Variants in PDE6B observed in about 807,000 individuals in gnomAD.
The protein encoded by PDE6B is rod cGMP-specific 3',5'-cyclic phosphodiesterase subunit beta.
A neutral mutation model predicts 109.0 loss-of-function variants in PDE6B; 106 were observed. The ratio of observed to expected loss-of-function variants is 0.97; its 90% confidence interval spans 0.83 to 1.14. The LOEUF (loss-of-function observed/expected upper bound fraction) is 1.14, where lower values mean the gene tolerates loss of function less well. Among genes scored for constraint, PDE6B ranks in the 50% most tolerant of loss-of-function variants. The pLI is 0.00. For missense variants in PDE6B, 1,193 were observed against 1,155.6 expected, an observed-to-expected ratio of 1.03 and a Z score of -0.47; for synonymous variants, 490 against 471.3, an observed-to-expected ratio of 1.04 and a Z score of -0.51.
At position 628,560 on chromosome 4, in the gene PDE6B, G is replaced by A. The variant is rs145692115; in HGVS notation, c.468+2466G>A. On this transcript the variant is annotated intron_variant, in intron 1 of 21. Coordinates refer to ENST00000496514, the MANE Select transcript of PDE6B (RefSeq NM_000283.4). ...AAACCAGCCTGCTCCTGAGCACAGC[G>A]GGCCCTGAGTCTGCAGGGCAGGCAG... 5.6e-3 allele frequency among the ~76,000 whole-genome samples: 846 copies of A among 152,328 alleles called. 11 individuals are homozygous for A. The highest frequency in any genetic ancestry group is 0.019 in the African/African-American group (800 of 41,572).
intron 11 of PDE6B, among the ~76,000 whole-genome samples, chr4:659,449 GTC>G (rs1395336934): frequency 3.3e-5 from 5 of 152,184 alleles, no homozygotes; most frequent in African/African-American, 1.2e-4. Flanking sequence ...GCACATGGGT[GTC>G]TGTGTGCATG....
chr4:640,801 T>C (rs936121573), intron 3 of PDE6B, among the ~76,000 whole-genome samples: 12 of 152,254 alleles, frequency 7.9e-5, no homozygotes, highest in African/African-American at 2.7e-4. Context: ...AAAGCCTACC[T>C]TTTCTCCGTC....
In PDE6B at chr4:666,660, G is replaced by T; in HGVS notation, c.2352+46G>T. 1 of 1,360,836 alleles carries T rather than the reference G, an allele frequency of 7.3e-7. No homozygotes were observed. Among genetic ancestry groups the T allele is most frequent in the South Asian group, 1.2e-5 (1 of 85,950 alleles). 84.3% of individuals were successfully genotyped at this position (1,360,836 alleles called of 1,614,324 possible). A position where few individuals can be genotyped will look rare whatever the true frequency, so the allele number is the denominator to read the frequency against. ...CCGAGCTGACTGGGGCAGGGTGGCT[G>T]GGAGCAGGCAAGGGGGCGCGGGCTG... On this transcript the variant is annotated intron_variant, in intron 20 of 21. Coordinates refer to ENST00000496514, the MANE Select transcript of PDE6B (RefSeq NM_000283.4). This position sits in a 1 kb window ranked among gnomAD's most constrained non-coding sequence, Gnocchi z 5.6.
In PDE6B at chr4:663,135, C is replaced by T. The variant is rs368095904; in HGVS notation, c.1868C>T (p.Ser623Leu). The T allele has an allele frequency of 2.4e-5, 39 of 1,612,162 alleles. No individual in the cohort carries two copies. The highest frequency in any genetic ancestry group is 8.5e-6 in the Non-Finnish European group (10 of 1,178,460). ...QNPLAKLHGS[S>L]ILERHHLEFG... is the part of the protein sequence containing the mutation. ...CCCTTGGCTAAGCTCCACGGCTCCT[C>T]GATTTTGGAGCGGCACCACCTGGAG... The change falls in exon 15 of 22, where the codon TCG (serine) becomes TTG (leucine). Residue 623 changes from serine to leucine, a missense_variant. Transcript: ENST00000496514. This position sits in a 1 kb window ranked among gnomAD's most constrained non-coding sequence, Gnocchi z 4.0.
At chr4:639,050 A>G (rs993819421) in intron 3 of PDE6B, among the ~76,000 whole-genome samples, 7 of 152,056 alleles carry the variant, frequency 4.6e-5, no homozygotes, top group African/African-American at 1.7e-4. Context: ...AATTCAGTCC[A>G]CCACTGTGAT....
At chr4:643,860 C>A (rs572475336) in intron 3 of PDE6B, among the ~76,000 whole-genome samples, 1 of 150,876 alleles carries the variant, frequency 6.6e-6, no homozygotes, top group South Asian at 2.1e-4. Context: ...GCACTGCTTT[C>A]CCTGCACCTG....
chr4:663,063 G>C lies in PDE6B; in HGVS notation c.1833-37G>C. The C allele has an allele frequency of 8.2e-7, 1 of 1,221,114 alleles. No individual in the cohort carries two copies. Among genetic ancestry groups the C allele is most frequent in the Non-Finnish European group, 1.2e-6 (1 of 821,002 alleles). The allele number at this position is 1,221,114 out of a possible 1,614,324, so 75.6% of individuals were successfully genotyped here. A position where few individuals can be genotyped will look rare whatever the true frequency, so the allele number is the denominator to read the frequency against. On this transcript the variant is annotated intron_variant, in intron 14 of 21. Coordinates refer to ENST00000496514, the MANE Select transcript of PDE6B (RefSeq NM_000283.4). The surrounding 1 kb of genome is among the most constrained non-coding windows in gnomAD (Gnocchi z 4.0). Reference sequence around the variant, plus strand: ...CAGAGCGCAGGGTGGGCCAAGGGCAGGTCCCACGGGCCTCACCTCCACCAC... The same window carrying C: ...CAGAGCGCAGGGTGGGCCAAGGGCACGTCCCACGGGCCTCACCTCCACCAC...
chr4:637,142 G>A (rs1371454842), intron 3 of PDE6B, among the ~76,000 whole-genome samples: 1 of 151,534 alleles, frequency 6.6e-6, no homozygotes, highest in Non-Finnish European at 1.5e-5. Context: ...CGTGAGTCCA[G>A]CTTTGGCCAC....
At chr4:641,764 A>AGCCTCAGCTAC (rs1275231960) in intron 3 of PDE6B, among the ~76,000 whole-genome samples, 1 of 152,164 alleles carries the variant, frequency 6.6e-6, no homozygotes, top group Non-Finnish European at 1.5e-5. Context: ...CTCCTGCCTC[A>AGCCTCAGCTAC]GCCTCCCAAG....
chr4:666,883 AG>A lies in PDE6B; in HGVS notation c.2352+270del. On this transcript the variant is annotated intron_variant, in intron 20 of 21. Transcript: ENST00000496514. This position sits in a 1 kb window ranked among gnomAD's most constrained non-coding sequence, Gnocchi z 5.6. ...TTCCCAGCCCAGAATGTCCTCTGCT[AG>A]CCTCCAGGCCTACCCCAGAAGTTCT... is the stretch of plus-strand genomic sequence containing the variant. 6.6e-6 allele frequency among the ~76,000 whole-genome samples: 1 copy of A among 152,272 alleles called. No individual in the cohort carries two copies. Among genetic ancestry groups the A allele is most frequent in the East Asian group, 1.9e-4 (1 of 5,184 alleles).
Position 662,500 on chromosome 4 carries a change from T to A in PDE6B, c.1723-9T>A. On this transcript the variant is annotated splice_polypyrimidine_tract_variant and intron_variant, in intron 13 of 21. Coordinates refer to ENST00000496514, the MANE Select transcript of PDE6B (RefSeq NM_000283.4). This position sits in a 1 kb window ranked among gnomAD's most constrained non-coding sequence, Gnocchi z 4.3. The stretch of plus-strand genomic sequence containing the variant: ...AGGACCGGTGAGCAAGGTGGCCCTG[T>A]CTCTACAGACCGGCAAACTGAAGAG... 1 of 1,589,076 alleles carries A rather than the reference T, an allele frequency of 6.3e-7. No homozygotes were observed. Among genetic ancestry groups the A allele is most frequent in the Non-Finnish European group, 8.6e-7 (1 of 1,157,938 alleles).
At chr4:638,289 G>A (rs35564967) in intron 3 of PDE6B, among the ~76,000 whole-genome samples, 4,420 of 152,286 alleles carry the variant, frequency 0.029, 64 homozygotes, top group Middle Eastern at 0.041. Context: ...TGATGGGGTT[G>A]TGTTCTTAGC....
At chr4:649,026 C>G (rs1405174628) in intron 3 of PDE6B, among the ~76,000 whole-genome samples, 1 of 152,182 alleles carries the variant, frequency 6.6e-6, no homozygotes, top group Non-Finnish European at 1.5e-5. Flanking sequence ...TGGCGGGAGC[C>G]TGTTGAGCTG....
At chr4:638,695 GGGGTCCCATTGAGGGCCCCAATGA>G (rs1181539334) in intron 3 of PDE6B, among the ~76,000 whole-genome samples, 1 of 152,266 alleles carries the variant, frequency 6.6e-6, no homozygotes, top group Admixed American at 6.5e-5. Context: ...TTGCTAAATT[GGGGTCCCATTGAGGGCCCCAATGA>G]GGGTCCCAGT....
At chr4:634,588 C>A in intron 1 of PDE6B, 89 bp from the exon 2 acceptor site, 1 of 1,084,392 alleles carries the variant, frequency 9.2e-7, no homozygotes, top group Non-Finnish European at 1.4e-6. Context: ...GGGCAGCAGC[C>A]CCCACAGAGC....
intron 6 of PDE6B, 35 bp from the exon 7 acceptor site, chr4:655,905 G>C: frequency 4.4e-6 from 6 of 1,355,294 alleles, no homozygotes; most frequent in Non-Finnish European, 6.4e-6. Flanking sequence ...ATCCAGCCCG[G>C]CGTGGCCTAT....
intron 4 of PDE6B, 21 bp from the exon 5 acceptor site, chr4:654,059 C>T: frequency 6.2e-7 from 1 of 1,613,636 alleles, no homozygotes; most frequent in Non-Finnish European, 8.5e-7. Flanking sequence ...ACCGCCCCAC[C>T]CTCACCTCTT....
intron 3 of PDE6B, chr4:653,422 A>G (rs1382583784): frequency 5.8e-6 from 5 of 860,408 alleles, no homozygotes; most frequent in Non-Finnish European, 7.7e-6. Context: ...TGCGTCAGCA[A>G]TGCTTCACTC....
rs750045921 is a variant in PDE6B, at chr4:657,399, G to A, written c.1306G>A (p.Asp436Asn). The A allele has an allele frequency of 2.2e-5, 36 of 1,613,096 alleles. No individual in the cohort carries two copies. Among genetic ancestry groups the A allele is most frequent in the Admixed American group, 2.0e-4 (12 of 60,000 alleles). The change falls in exon 10 of 22, where the codon GAC becomes AAC. Residue 436 changes from aspartate to asparagine, a missense_variant. Coordinates refer to ENST00000496514, the MANE Select transcript of PDE6B (RefSeq NM_000283.4). ...GTCAGTGATGAACACCGACACCTAC[G>A]ACAAGATGAACAAGCTGGAGAACCG... ...GWSVMNTDTY[D>N]KMNKLENRKD...
Sources: gnomAD v4.1 joint callset for allele counts (sites outside exome capture counted in the v4.1 genomes callset) on GRCh38, gnomAD v4.1.1 for gene constraint, Gnocchi (gnomAD v3.1) non-coding constraint, MANE v1.5 for transcripts, NCBI Gene and HGNC (gene_info 2026-07-23, HGNC 2026-07-21) for gene names.